The following DMRT1 variants were observed in gnomAD, a reference collection of about 807,000 sequenced individuals.
DMRT1 encodes the protein doublesex and mab-3 related transcription factor 1, also known as doublesex- and mab-3-related transcription factor 1.
DMRT1 carries 7 observed loss-of-function variants against 32.3 expected under a neutral mutation model. The observed-to-expected ratio is 0.22, with a 90% CI of 0.12 to 0.41. The LOEUF (loss-of-function observed/expected upper bound fraction) is 0.41. DMRT1 is among the 10% of genes least tolerant of loss of function. The probability of loss-of-function intolerance (pLI) is 1.00; values close to 1 mark genes in which losing one functional copy is unlikely to be tolerated. For missense variants in DMRT1, 625 were observed against 500.5 expected (o/e 1.25, Z -2.37); for synonymous variants, 278 against 206.1 (o/e 1.35, Z -2.99).
intron 4 of DMRT1, among the ~76,000 whole-genome samples, chr9:950,663 G>A (rs1036917019): frequency 2.0e-5 from 3 of 152,116 alleles, no homozygotes; most frequent in Non-Finnish European, 2.9e-5. Context: ...GCTTCCCCAA[G>A]TCAGCATTTA....
At chr9:940,023 AC>A (rs904988756) in intron 4 of DMRT1, among the ~76,000 whole-genome samples, 15 of 152,092 alleles carry the variant, frequency 9.9e-5, no homozygotes, top group African/African-American at 3.6e-4. Flanking sequence ...TCCACTTTAC[AC>A]CCATTAGAAA....
chr9:960,494 T>A (rs183399394), intron 4 of DMRT1, among the ~76,000 whole-genome samples: 1 of 152,226 alleles, frequency 6.6e-6, no homozygotes, highest in Non-Finnish European at 1.5e-5. Context: ...TATAGACCTT[T>A]AGGGTTTACA....
chr9:842,433 A>G (rs750124106), intron 1 of DMRT1: 1 of 561,868 alleles, frequency 1.8e-6, no homozygotes. Flanking sequence ...CGGGGGTTTC[A>G]CCATATTGGT....
intron 2 of DMRT1, among the ~76,000 whole-genome samples, chr9:883,720 A>G (rs1816820804): frequency 6.6e-6 from 1 of 151,572 alleles, no homozygotes; most frequent in Non-Finnish European, 1.5e-5. Flanking sequence ...TGAGCCTAGC[A>G]GTTGGAGGCT....
intron 2 of DMRT1, among the ~76,000 whole-genome samples, chr9:862,089 C>CCA (rs1815728969): frequency 7.3e-6 from 1 of 136,808 alleles, no homozygotes; most frequent in South Asian, 2.4e-4. Flanking sequence ...TCCTCACTTC[C>CCA]TAGACGGGGT....
At chr9:857,161 G>C (rs916196422) in intron 2 of DMRT1, among the ~76,000 whole-genome samples, 7 of 152,116 alleles carry the variant, frequency 4.6e-5, no homozygotes, top group Non-Finnish European at 1.0e-4. Flanking sequence ...ACAAAAATTA[G>C]CCAGGCGTGG....
intron 3 of DMRT1, among the ~76,000 whole-genome samples, chr9:895,730 C>T (rs1401443777): frequency 2.7e-5 from 4 of 150,512 alleles, no homozygotes; most frequent in African/African-American, 9.8e-5. Context: ...TTCAGGTGTA[C>T]AGTATATTAT....
chr9:897,592 C>CACA (rs1817420646), intron 3 of DMRT1, among the ~76,000 whole-genome samples: 1 of 126,166 alleles, frequency 7.9e-6, no homozygotes. Flanking sequence ...ACACTGTCTC[C>CACA]AAAAAAAAAA....
intron 2 of DMRT1, among the ~76,000 whole-genome samples, chr9:853,837 C>G (rs953210982): frequency 2.6e-5 from 4 of 151,962 alleles, no homozygotes; most frequent in Non-Finnish European, 4.4e-5. Context: ...ATTCTGTCTC[C>G]CAGGCTGGAG....
chr9:936,850 C>A (rs1229635923), intron 4 of DMRT1, among the ~76,000 whole-genome samples: 1 of 151,588 alleles, frequency 6.6e-6, no homozygotes, highest in African/African-American at 2.4e-5. Context: ...CATAAAATGT[C>A]AAAATTTGCC....
chr9:905,732 A>C (rs561055689), intron 3 of DMRT1, among the ~76,000 whole-genome samples: 5 of 152,166 alleles, frequency 3.3e-5, no homozygotes, highest in Admixed American at 6.5e-5. Context: ...GCTGCTGGGC[A>C]CTTCCTGTCT....
intron 2 of DMRT1, among the ~76,000 whole-genome samples, chr9:874,633 C>T (rs945033949): frequency 1.3e-5 from 2 of 151,906 alleles, no homozygotes; most frequent in African/African-American, 4.8e-5. Flanking sequence ...AAGCAGTACC[C>T]CTTTCTTCAA....
chr9:923,412 T>C (rs945260646), intron 4 of DMRT1, among the ~76,000 whole-genome samples: 20 of 152,322 alleles, frequency 1.3e-4, no homozygotes, highest in Admixed American at 3.3e-4. Flanking sequence ...AATGCTTCCC[T>C]GAGAGCCTCG....
intron 4 of DMRT1, among the ~76,000 whole-genome samples, chr9:949,291 C>G (rs569146873): frequency 6.6e-6 from 1 of 151,894 alleles, no homozygotes; most frequent in South Asian, 2.1e-4. Context: ...TCGCTTGAGC[C>G]CAGGAGTTCG....
At chr9:873,186 A>T (rs895382938) in intron 2 of DMRT1, among the ~76,000 whole-genome samples, 2 of 152,292 alleles carry the variant, frequency 1.3e-5, no homozygotes, top group South Asian at 4.1e-4. Context: ...GCATCTTCTC[A>T]TGCACTTTGT....
At chr9:861,804 GC>G (rs1312817198) in intron 2 of DMRT1, among the ~76,000 whole-genome samples, 1 of 44,048 alleles carries the variant, frequency 2.3e-5, no homozygotes, top group African/African-American at 7.7e-5. Flanking sequence ...CGGCTGCCGG[GC>G]GGGGGGGGGC....
intron 2 of DMRT1, among the ~76,000 whole-genome samples, chr9:862,426 G>C (rs1236637564): frequency 6.6e-6 from 1 of 151,536 alleles, no homozygotes; most frequent in Non-Finnish European, 1.5e-5. Flanking sequence ...AGGCAGGGAG[G>C]CTGCAGTGAG....
chr9:853,877 C>A (rs962310432), intron 2 of DMRT1, among the ~76,000 whole-genome samples: 1 of 152,040 alleles, frequency 6.6e-6, no homozygotes, highest in Admixed American at 6.6e-5. Flanking sequence ...CTCACTGCAT[C>A]CTCCAACTCC....
chr9:843,064 C>G (rs1341593678), intron 1 of DMRT1: 1 of 152,230 alleles, frequency 6.6e-6, no homozygotes, highest in Non-Finnish European at 1.5e-5. Flanking sequence ...CCAAAAATCT[C>G]CGACCGCGCC....
Sources: gnomAD v4.1 joint callset for allele counts (sites outside exome capture counted in the v4.1 genomes callset) on GRCh38, gnomAD v4.1.1 for gene constraint, MANE v1.5 for transcripts, NCBI Gene and HGNC (gene_info 2026-07-23, HGNC 2026-07-21) for gene names.